The following PPP4R3B variants were observed in gnomAD, a reference collection of about 807,000 sequenced individuals.
PPP4R3B encodes the protein protein phosphatase 4 regulatory subunit 3B.
A neutral mutation model predicts 95.4 loss-of-function variants in PPP4R3B; 52 were observed. The ratio of observed to expected loss-of-function variants is 0.54; its 90% CI spans 0.44 to 0.69. The LOEUF (loss-of-function observed/expected upper bound fraction) is 0.69. Ranked by LOEUF, PPP4R3B falls within the 30% of genes least tolerant of loss-of-function variation. PPP4R3B has a pLI of 0.00. For missense variants in PPP4R3B, 1,003 were observed against 1,005.9 expected (o/e 1.00, Z 0.04); for synonymous variants, 407 against 343.9 (o/e 1.18, Z -2.03).
intron 4 of PPP4R3B, among the ~76,000 whole-genome samples, chr2:55,589,957 TTATA>T (rs1183033201): frequency 5.7e-5 from 8 of 139,758 alleles, no homozygotes; most frequent in East Asian, 2.0e-4. Context: ...ATATATATAA[TTATA>T]TATATATTTA....
intron 16 of PPP4R3B, among the ~76,000 whole-genome samples, chr2:55,554,585 C>T (rs1685606206): frequency 6.6e-6 from 1 of 152,148 alleles, no homozygotes; most frequent in South Asian, 2.1e-4. Flanking sequence ...ATCCTTTGTC[C>T]ATTTTAAAAC....
At chr2:55,564,606 C>G (rs1329135560) in intron 14 of PPP4R3B, 109 bp from the exon 15 acceptor site, 6 of 942,998 alleles carry the variant, frequency 6.4e-6, no homozygotes, top group East Asian at 5.5e-5. Context: ...TTTTAACTGA[C>G]TATAATTTAT....
At chr2:55,602,583 A>G (rs1298857244) in intron 3 of PPP4R3B, among the ~76,000 whole-genome samples, 1 of 152,230 alleles carries the variant, frequency 6.6e-6, no homozygotes, top group Non-Finnish European at 1.5e-5. Context: ...ATGCTTACAT[A>G]AACTCTAATC....
At chr2:55,577,227 T>C in intron 11 of PPP4R3B, 88 bp downstream of exon 11, 2 of 1,439,890 alleles carry the variant, frequency 1.4e-6, no homozygotes, top group Non-Finnish European at 1.8e-6. Context: ...AAAATATGCT[T>C]TTCTTAGCCT....
chr2:55,615,429 T>C, intron 2 of PPP4R3B, 22 bp downstream of exon 2: 1 of 1,550,188 alleles, frequency 6.5e-7, no homozygotes, highest in South Asian at 1.2e-5. Context: ...GTCTTTCAAA[T>C]TAAAGATAAA....
chr2:55,597,383 G>C (rs1691939996), intron 4 of PPP4R3B, among the ~76,000 whole-genome samples: 2 of 152,140 alleles, frequency 1.3e-5, no homozygotes, highest in Non-Finnish European at 2.9e-5. Context: ...AGCACTTTGG[G>C]AGGCTGAGGT....
chr2:55,576,107 G>A (rs1303393757), intron 11 of PPP4R3B, among the ~76,000 whole-genome samples: 1 of 152,158 alleles, frequency 6.6e-6, no homozygotes, highest in Non-Finnish European at 1.5e-5. Context: ...AGCACTTTGG[G>A]AGGCCAAGGT....
chr2:55,579,800 T>A lies in PPP4R3B; in HGVS notation c.1366-19A>T, dbSNP rs980127576. On this transcript the variant is annotated intron_variant, in intron 8 of 16. Transcript: ENST00000616407. Reference sequence around the variant, plus strand: ...CGGTTTTCTGAAACATAGAATTTTTTAAACAATACTGTTACTTATGTAAAT... The same window carrying A: ...CGGTTTTCTGAAACATAGAATTTTTAAAACAATACTGTTACTTATGTAAAT... The A allele has an allele frequency of 7.5e-6, 11 of 1,462,056 alleles. No individual in the cohort carries two copies. In the South Asian group the frequency reaches 1.1e-4, roughly 14 times the overall value. The allele number at this position is 1,462,056 out of a possible 1,614,324, so 90.6% of individuals were successfully genotyped here. A position where few individuals can be genotyped will look rare whatever the true frequency, so the allele number is the denominator to read the frequency against.
intron 8 of PPP4R3B, among the ~76,000 whole-genome samples, chr2:55,580,638 CATTTTAAT>C: frequency 3.3e-5 from 5 of 152,264 alleles, no homozygotes; most frequent in Admixed American, 3.3e-4. Flanking sequence ...CAACTTTTAA[CATTTTAAT>C]ATTTTATACT....
chr2:55,606,551 G>A (rs960267709), intron 2 of PPP4R3B, among the ~76,000 whole-genome samples: 2 of 151,936 alleles, frequency 1.3e-5, no homozygotes, highest in African/African-American at 4.8e-5. Flanking sequence ...GCCAGGCACA[G>A]TGGCTCACAC....
At chr2:55,560,649 C>T (rs1686474807) in intron 15 of PPP4R3B, among the ~76,000 whole-genome samples, 1 of 151,816 alleles carries the variant, frequency 6.6e-6, no homozygotes, top group Non-Finnish European at 1.5e-5. Flanking sequence ...TGGTGGCACA[C>T]ACCTATAGTC....
At chr2:55,572,104 ACT>A (rs1239716931) in intron 12 of PPP4R3B, among the ~76,000 whole-genome samples, 1 of 152,188 alleles carries the variant, frequency 6.6e-6, no homozygotes, top group East Asian at 1.9e-4. Flanking sequence ...CATTTCAAAC[ACT>A]CTCATTTCAA....
chr2:55,562,060 T>C (rs1019279356), intron 15 of PPP4R3B, among the ~76,000 whole-genome samples: 1 of 152,152 alleles, frequency 6.6e-6, no homozygotes. Flanking sequence ...GACTGAATCA[T>C]GGAGGCAGAA....
At chr2:55,564,268 A>G in intron 15 of PPP4R3B, 45 bp downstream of exon 15, 6 of 1,464,668 alleles carry the variant, frequency 4.1e-6, no homozygotes, top group Non-Finnish European at 5.5e-6. Flanking sequence ...TAATTTCTGC[A>G]CTAAATAAGA....
intron 4 of PPP4R3B, among the ~76,000 whole-genome samples, chr2:55,594,454 T>C (rs1691485270): frequency 6.6e-6 from 1 of 151,978 alleles, no homozygotes; most frequent in Non-Finnish European, 1.5e-5. Context: ...TTTAGAAAAA[T>C]AAAAAGCTGC....
At chr2:55,552,834 A>G (rs1203814838) in intron 16 of PPP4R3B, among the ~76,000 whole-genome samples, 2 of 152,254 alleles carry the variant, frequency 1.3e-5, no homozygotes, top group Non-Finnish European at 2.9e-5. Flanking sequence ...GAAAAGAGAA[A>G]TCAGAGGCAA....
At chr2:55,554,780 C>T (rs1574658071) in intron 16 of PPP4R3B, among the ~76,000 whole-genome samples, 1 of 152,120 alleles carries the variant, frequency 6.6e-6, no homozygotes, top group African/African-American at 2.4e-5. Context: ...TCTTTTGTCA[C>T]TTGAGCTATT....
intron 2 of PPP4R3B, 60 bp from the exon 3 acceptor site, chr2:55,604,136 A>C: frequency 7.5e-7 from 1 of 1,339,132 alleles, no homozygotes; most frequent in Non-Finnish European, 1.0e-6. Flanking sequence ...TACAAAGTAC[A>C]AATAGAAATC....
Position 55,573,129 on chromosome 2 carries a change from A to G in PPP4R3B, c.1765+490T>C, listed in dbSNP as rs572196473. On this transcript the variant is annotated intron_variant, in intron 12 of 16. Coordinates refer to ENST00000616407, the MANE Select transcript of PPP4R3B (RefSeq NM_001122964.3). ...GATTAACATTTTCTCTATACATTAA[A>G]TTAAATGTCTATATTTAAAATATAA... Among the ~76,000 whole-genome samples, 21 of 152,334 alleles carry G rather than the reference A, an allele frequency of 1.4e-4. No homozygotes were observed. The East Asian group carries it at 4.0e-3, about 29-fold the overall frequency.
Sources: allele counts gnomAD v4.1 joint callset (sites outside exome capture counted in the v4.1 genomes callset), GRCh38; gene constraint gnomAD v4.1.1; transcripts MANE v1.5; gene names NCBI Gene and HGNC (gene_info 2026-07-23, HGNC 2026-07-21).